Variants in ATXN7L1 observed in about 807,000 individuals in gnomAD.
ATXN7L1 encodes ataxin-7-like protein 1.
A neutral mutation model predicts 70.8 loss-of-function variants in ATXN7L1; 15 were observed. That is an observed-to-expected ratio of 0.21 (90% CI 0.14 to 0.33). ATXN7L1 has a LOEUF of 0.33. Ranked by LOEUF, ATXN7L1 falls within the 10% of genes least tolerant of loss-of-function variation. The pLI is 1.00. For synonymous variants in ATXN7L1, 440 were observed against 445.1 expected, an observed-to-expected ratio of 0.99 and a Z score of 0.14; for missense variants, 975 against 1,097.1, an observed-to-expected ratio of 0.89 and a Z score of 1.57.
intron 4 of ATXN7L1, among the ~76,000 whole-genome samples, chr7:105,657,147 T>C (rs1209089064): frequency 1.3e-5 from 2 of 152,164 alleles, no homozygotes; most frequent in Non-Finnish European, 2.9e-5. Context: ...CTTGGAGCAA[T>C]GGAACGAACT....
chr7:105,710,039 ATTTTTCTTTT>A (rs1793685192), intron 3 of ATXN7L1, among the ~76,000 whole-genome samples: 1 of 151,718 alleles, frequency 6.6e-6, no homozygotes, highest in African/African-American at 2.4e-5. Flanking sequence ...CACCTGGCTA[ATTTTTCTTTT>A]GTAGAGGCAG....
intron 3 of ATXN7L1, among the ~76,000 whole-genome samples, chr7:105,780,915 A>G (rs1459942682): frequency 6.6e-6 from 1 of 152,204 alleles, no homozygotes; most frequent in Non-Finnish European, 1.5e-5. Flanking sequence ...ACTTTGATAA[A>G]AAATTTAAAT....
intron 3 of ATXN7L1, among the ~76,000 whole-genome samples, chr7:105,754,701 C>A (rs1277553979): frequency 6.6e-6 from 1 of 152,208 alleles, no homozygotes; most frequent in East Asian, 1.9e-4. Flanking sequence ...TTCAAGCAAT[C>A]CTCTCCCCGT....
chr7:105,724,520 G>C (rs566287749), intron 3 of ATXN7L1, among the ~76,000 whole-genome samples: 82 of 143,676 alleles, frequency 5.7e-4, no homozygotes, highest in African/African-American at 1.9e-3. Context: ...GCTGCAGTAA[G>C]CTGAGATCAC....
chr7:105,665,405 GGCATTCCTGAAGCCTA>G, intron 3 of ATXN7L1, 117 bp from the exon 4 acceptor site: 1 of 783,658 alleles, frequency 1.3e-6, no homozygotes. Context: ...CTACAGCACT[GGCATTCCTGAAGCCTA>G]GGTTCTGATG....
chr7:105,629,952 G>A (rs1394742512), intron 7 of ATXN7L1, among the ~76,000 whole-genome samples: 2 of 152,020 alleles, frequency 1.3e-5, no homozygotes, highest in Admixed American at 6.6e-5. Context: ...CAAGTAGCTG[G>A]GATTACAGGC....
intron 2 of ATXN7L1, among the ~76,000 whole-genome samples, chr7:105,858,899 A>G (rs1816130291): frequency 6.6e-6 from 1 of 151,870 alleles, no homozygotes; most frequent in South Asian, 2.1e-4. Context: ...ATGTATACAT[A>G]TATATAGAAA....
intron 3 of ATXN7L1, among the ~76,000 whole-genome samples, chr7:105,731,761 A>AAGAAAAG (rs1796577057): frequency 6.8e-6 from 1 of 146,852 alleles, no homozygotes; most frequent in South Asian, 2.2e-4. Flanking sequence ...AAGAAAAGAA[A>AAGAAAAG]AGAAAAGAAA....
chr7:105,655,320 C>T (rs1800448509), intron 4 of ATXN7L1, among the ~76,000 whole-genome samples: 1 of 152,220 alleles, frequency 6.6e-6, no homozygotes, highest in South Asian at 2.1e-4. Context: ...TACCTTCCCA[C>T]CCTCTCTTAC....
chr7:105,614,489 G>A lies in ATXN7L1; in HGVS notation c.1845C>T (p.Ser615=). 1 of 1,534,558 alleles carries A rather than the reference G, an allele frequency of 6.5e-7. No individual in the cohort carries two copies. Residue 615 remains serine, a synonymous_variant, in exon 10 of 12, where the codon TCC becomes TCT. Coordinates refer to ENST00000419735, the MANE Select transcript of ATXN7L1 (RefSeq NM_020725.2). This position sits in a 1 kb window ranked among gnomAD's most constrained non-coding sequence, Gnocchi z 4.3. ...TGGTTTTGGTTTTGGATGGCTTGTGGGATGGGGAAGGGATGACGGCTGGTA... is the reference window on the plus strand; with the variant it reads ...TGGTTTTGGTTTTGGATGGCTTGTGAGATGGGGAAGGGATGACGGCTGGTA... ...SPIPAVIPSP[S]HKPSKTKTSK... is the part of the protein sequence containing the mutation.
chr7:105,777,220 GT>G (rs1430009817), intron 3 of ATXN7L1, among the ~76,000 whole-genome samples: 1 of 152,184 alleles, frequency 6.6e-6, no homozygotes, highest in Non-Finnish European at 1.5e-5. Context: ...ATTGAGTTGG[GT>G]GGCAGCTAAG....
chr7:105,635,484 G>A (rs1265362147), intron 7 of ATXN7L1, among the ~76,000 whole-genome samples: 1 of 152,164 alleles, frequency 6.6e-6, no homozygotes, highest in African/African-American at 2.4e-5. Flanking sequence ...TGCTTCTTAT[G>A]TGCTTGGTAC....
At chr7:105,758,806 C>A (rs185313595) in intron 3 of ATXN7L1, among the ~76,000 whole-genome samples, 1 of 152,236 alleles carries the variant, frequency 6.6e-6, no homozygotes, top group South Asian at 2.1e-4. Flanking sequence ...TCTTAGCAAA[C>A]GAAGTGTATC....
intron 3 of ATXN7L1, among the ~76,000 whole-genome samples, chr7:105,704,397 C>G (rs1004019163): frequency 6.6e-6 from 1 of 152,158 alleles, no homozygotes; most frequent in African/African-American, 2.4e-5. Flanking sequence ...CTAATGAGAA[C>G]TGATCTGCAC....
chr7:105,754,914 G>A (rs892293812), intron 3 of ATXN7L1, among the ~76,000 whole-genome samples: 2 of 152,224 alleles, frequency 1.3e-5, no homozygotes, highest in African/African-American at 4.8e-5. Flanking sequence ...CATGACTTGA[G>A]TTTGGACTCA....
intron 3 of ATXN7L1, among the ~76,000 whole-genome samples, chr7:105,667,246 T>G (rs1802750977): frequency 6.6e-6 from 1 of 152,180 alleles, no homozygotes; most frequent in Non-Finnish European, 1.5e-5. Flanking sequence ...GTGAGGTGAT[T>G]GCCAGGGTCA....
chr7:105,761,412 T>C (rs776092672), intron 3 of ATXN7L1: 3 of 1,614,204 alleles, frequency 1.9e-6, no homozygotes, highest in Non-Finnish European at 2.5e-6. Flanking sequence ...TTGGCTGCTC[T>C]CTGGTCCACT....
At chr7:105,760,829 T>C (rs973832662) in intron 3 of ATXN7L1, 1 of 154,846 alleles carries the variant, frequency 6.5e-6, no homozygotes, top group African/African-American at 2.5e-5. Flanking sequence ...AAAGCATGTA[T>C]GTGCAAGGGC....
intron 11 of ATXN7L1, among the ~76,000 whole-genome samples, chr7:105,610,034 G>T (rs4236579): frequency 0.4 from 60,652 of 151,974 alleles, 12,375 homozygotes; most frequent in Non-Finnish European, 0.45. Context: ...GCCTCCCAAA[G>T]TGTTGGGACT....
Sources: gnomAD v4.1 joint callset for allele counts (sites outside exome capture counted in the v4.1 genomes callset) on GRCh38, gnomAD v4.1.1 for gene constraint, Gnocchi (gnomAD v3.1) non-coding constraint, MANE v1.5 for transcripts, NCBI Gene and HGNC (gene_info 2026-07-23, HGNC 2026-07-21) for gene names.